The following CNTN3 variants were observed in gnomAD, a reference collection of about 807,000 sequenced individuals.
The protein encoded by CNTN3 is contactin 3.
CNTN3 carries 60 observed loss-of-function variants against 119.1 expected under a neutral mutation model. The ratio of observed to expected loss-of-function variants is 0.50; its 90% CI spans 0.41 to 0.62. The LOEUF (loss-of-function observed/expected upper bound fraction) is 0.62, where lower values mean the gene tolerates loss of function less well. Ranked by LOEUF, CNTN3 falls within the 20% of genes least tolerant of loss-of-function variation. The probability of loss-of-function intolerance (pLI) is 0.00; values close to 1 mark genes in which losing one functional copy is unlikely to be tolerated. For missense variants in CNTN3, 1,101 were observed against 1,242.4 expected, an observed-to-expected ratio of 0.89 and a Z score of 1.71; for synonymous variants, 450 against 438.7, an observed-to-expected ratio of 1.03 and a Z score of -0.32.
intron 3 of CNTN3, among the ~76,000 whole-genome samples, chr3:74,491,504 A>G (rs1389232251): frequency 6.7e-6 from 1 of 150,308 alleles, no homozygotes; most frequent in Non-Finnish European, 1.5e-5. Context: ...TGTCTCAAAA[A>G]ACAAAAAACA....
chr3:74,488,638 C>T (rs1262525816), intron 3 of CNTN3, among the ~76,000 whole-genome samples: 1 of 152,100 alleles, frequency 6.6e-6, no homozygotes, highest in Admixed American at 6.5e-5. Context: ...CCTTACTGCT[C>T]AAAGTTTATT....
At chr3:74,475,474 C>G (rs6549600) in intron 4 of CNTN3, among the ~76,000 whole-genome samples, 119,081 of 152,066 alleles carry the variant, frequency 0.78, 46,942 homozygotes, top group African/African-American at 0.85. Flanking sequence ...GAGATCTTAA[C>G]GCTAGGGAAT....
At chr3:74,314,258 G>A (rs899295472) in intron 13 of CNTN3, among the ~76,000 whole-genome samples, 3 of 152,066 alleles carry the variant, frequency 2.0e-5, no homozygotes, top group African/African-American at 4.8e-5. Flanking sequence ...CAAAGAACAA[G>A]ATTAAAAAAT....
chr3:74,521,561 A>C (rs1703543581), intron 1 of CNTN3, among the ~76,000 whole-genome samples: 1 of 151,816 alleles, frequency 6.6e-6, no homozygotes, highest in South Asian at 2.1e-4. Context: ...TAACAGAGTC[A>C]AATAAGCAGA....
At chr3:74,450,190 A>G (rs1401618512) in intron 4 of CNTN3, among the ~76,000 whole-genome samples, 1 of 152,158 alleles carries the variant, frequency 6.6e-6, no homozygotes, top group Non-Finnish European at 1.5e-5. Flanking sequence ...TGCATTGTAA[A>G]TATTTGAAAC....
chr3:74,268,000 T>C (rs889101137), intron 20 of CNTN3, among the ~76,000 whole-genome samples: 4 of 152,136 alleles, frequency 2.6e-5, no homozygotes, highest in African/African-American at 9.7e-5. Flanking sequence ...GAGTAATAGC[T>C]ATACACATGA....
chr3:74,449,304 T>C (rs1477408530), intron 4 of CNTN3, among the ~76,000 whole-genome samples: 1 of 152,100 alleles, frequency 6.6e-6, no homozygotes, highest in Non-Finnish European at 1.5e-5. Flanking sequence ...GAGGAGGTTC[T>C]GAGTCTTAAG....
chr3:74,307,509 A>C (rs1702589609), intron 13 of CNTN3, among the ~76,000 whole-genome samples: 1 of 152,172 alleles, frequency 6.6e-6, no homozygotes, highest in Non-Finnish European at 1.5e-5. Context: ...TATCAAATGA[A>C]ATAGGAGAGG....
chr3:74,280,657 T>C (rs762779035), intron 20 of CNTN3, among the ~76,000 whole-genome samples: 17 of 152,186 alleles, frequency 1.1e-4, no homozygotes, highest in Non-Finnish European at 2.4e-4. Flanking sequence ...GAGAGAGTCA[T>C]TGTTCAACAA....
intron 13 of CNTN3, among the ~76,000 whole-genome samples, chr3:74,329,236 T>C (rs1164913011): frequency 3.3e-5 from 5 of 151,860 alleles, no homozygotes; most frequent in African/African-American, 1.2e-4. Flanking sequence ...GTAACTAGAG[T>C]GAAATTGTGG....
intron 1 of CNTN3, among the ~76,000 whole-genome samples, chr3:74,523,533 T>C (rs771068937): frequency 2.7e-4 from 41 of 151,898 alleles, no homozygotes; most frequent in African/African-American, 9.4e-4. Context: ...GAACTGGTAC[T>C]TCCTTCTTCA....
intron 5 of CNTN3, among the ~76,000 whole-genome samples, chr3:74,413,594 C>T (rs190127100): frequency 2.6e-5 from 4 of 152,276 alleles, no homozygotes; most frequent in Admixed American, 2.6e-4. Flanking sequence ...AGAGATTTAG[C>T]TGTTACCAGG....
chr3:74,529,396 A>C (rs1703662913), intron 1 of CNTN3, among the ~76,000 whole-genome samples: 1 of 151,960 alleles, frequency 6.6e-6, no homozygotes, highest in Non-Finnish European at 1.5e-5. Flanking sequence ...TACCAACTGG[A>C]AAATGTAGTG....
chr3:74,555,523 G>A (rs899561025), intron 1 of CNTN3, among the ~76,000 whole-genome samples: 1 of 152,168 alleles, frequency 6.6e-6, no homozygotes. Context: ...GTAGAATTCA[G>A]CTGTGAATCC....
chr3:74,614,433 T>TCGCCGCCGCCGCCGCCGCCGCCGCCGC lies in CNTN3; in HGVS notation c.-150_-124dup, dbSNP rs548175205. ...CCAGACGCCCGCCCCGACGGCCCAC[T>TCGCCGCCGCCGCCGCCGCCGCCGCCGC]CGCCGCCGCCGCCGCCGCCGCCGCC... is the stretch of plus-strand genomic sequence containing the variant. On this transcript the variant is annotated 5_prime_UTR_variant, in exon 1 of 23. Coordinates refer to ENST00000263665, the MANE Select transcript of CNTN3 (RefSeq NM_020872.3). 2.8e-5 allele frequency among the ~76,000 whole-genome samples: 4 copies of TCGCCGCCGCCGCCGCCGCCGCCGCCGC among 145,358 alleles called. No individual in the cohort carries two copies. The highest frequency in any genetic ancestry group is 4.1e-4 in the East Asian group (2 of 4,838).
In CNTN3 at chr3:74,521,046, A is replaced by AT. The variant is rs530203676; in HGVS notation, c.55+11dup. ...CTAACCTCAACTTAGAAAATATAGG[A>AT]TTTTTTTTTACCTCCTAAGCAGCCA... On this transcript the variant is annotated intron_variant, in intron 2 of 22. Coordinates refer to ENST00000263665, the MANE Select transcript of CNTN3 (RefSeq NM_020872.3). The AT allele has an allele frequency of 5.3e-4, 820 of 1,540,050 alleles. No individual in the cohort carries two copies. The highest frequency in any genetic ancestry group is 1.2e-3 in the African/African-American group (87 of 72,280).
chr3:74,293,601 A>T (rs1702277710), intron 19 of CNTN3, among the ~76,000 whole-genome samples: 1 of 152,110 alleles, frequency 6.6e-6, no homozygotes, highest in South Asian at 2.1e-4. Flanking sequence ...CAGCCTCCCA[A>T]GTAACTAGGA....
chr3:74,274,283 T>C (rs772161522), intron 20 of CNTN3, among the ~76,000 whole-genome samples: 32 of 151,840 alleles, frequency 2.1e-4, no homozygotes, highest in Non-Finnish European at 4.1e-4. Flanking sequence ...CACCAACTGT[T>C]CCTCTCCATA....
chr3:74,263,106 A>T lies in CNTN3; in HGVS notation c.*1295T>A, dbSNP rs1701605797. ...GCAAAATGTGAAATTGGTAGGAAAG[A>T]GGTAAAAAACTGATTTTGCAATGTT... On this transcript the variant is annotated 3_prime_UTR_variant, in exon 23 of 23. Transcript: ENST00000263665. 1 of 152,148 alleles carries T rather than the reference A, an allele frequency of 6.6e-6. No homozygotes were observed. Among genetic ancestry groups the T allele is most frequent in the Non-Finnish European group, 1.5e-5 (1 of 67,994 alleles). 9.4% of individuals were successfully genotyped at this position (152,148 alleles called of 1,614,324 possible).
Sources: allele counts gnomAD v4.1 joint callset (sites outside exome capture counted in the v4.1 genomes callset), GRCh38; gene constraint gnomAD v4.1.1; transcripts MANE v1.5; gene names NCBI Gene and HGNC (gene_info 2026-07-23, HGNC 2026-07-21).